Variants in GNG7 observed in about 807,000 individuals in gnomAD.
GNG7 encodes G protein subunit gamma 7, also known as guanine nucleotide-binding protein G(I)/G(S)/G(O) subunit gamma-7.
A neutral mutation model predicts 4.0 loss-of-function variants in GNG7; 1 was observed. The observed-to-expected ratio is 0.25, with a 90% CI of 0.09 to 1.18. GNG7 has a LOEUF of 1.18. Among genes scored for constraint, GNG7 ranks in the 50% most tolerant of loss-of-function variants. The pLI is 0.50. For synonymous variants in GNG7, 34 were observed against 36.9 expected (o/e 0.92, Z 0.29); for missense variants, 86 against 91.9 (o/e 0.94, Z 0.26).
chr19:2,555,909 G>C (rs549969201), intron 2 of GNG7, among the ~76,000 whole-genome samples: 2 of 151,698 alleles, frequency 1.3e-5, no homozygotes, highest in African/African-American at 4.9e-5. Flanking sequence ...CGGATCGCGA[G>C]GGGGGGCCCA....
At chr19:2,563,241 T>C (rs1467758145) in intron 2 of GNG7, among the ~76,000 whole-genome samples, 8 of 151,584 alleles carry the variant, frequency 5.3e-5, no homozygotes, top group African/African-American at 1.7e-4. Flanking sequence ...AGCCACTGCG[T>C]CCGGCCCAGT....
intron 1 of GNG7, among the ~76,000 whole-genome samples, chr19:2,676,572 T>G (rs1053742597): frequency 2.0e-5 from 3 of 152,072 alleles, no homozygotes; most frequent in Non-Finnish European, 4.4e-5. Flanking sequence ...CCATCATGCT[T>G]GCCTAATTTT....
intron 1 of GNG7, among the ~76,000 whole-genome samples, chr19:2,655,532 GTCTC>G (rs1405424297): frequency 1.3e-5 from 2 of 151,308 alleles, no homozygotes; most frequent in African/African-American, 2.4e-5. Context: ...GTGAAACTCT[GTCTC>G]TACTAAAAAT....
In GNG7 at chr19:2,626,330, A is replaced by G. The variant is rs956739746; in HGVS notation, c.-78+19894T>C. Among the ~76,000 whole-genome samples the G allele has an allele frequency of 6.6e-6, 1 of 152,074 alleles. No individual in the cohort carries two copies. The highest frequency in any genetic ancestry group is 6.5e-5 in the Admixed American group (1 of 15,270). On this transcript the variant is annotated intron_variant, in intron 2 of 4. Transcript: ENST00000382159. The surrounding 1 kb of genome is among the most constrained non-coding windows in gnomAD (Gnocchi z 5.0). ...TCTGCCACCCACAGGAGGCTGGGGC[A>G]TCTCTCACCCCCTCTGTGCCTCAGT...
chr19:2,581,728 A>T (rs1980510849), intron 2 of GNG7, among the ~76,000 whole-genome samples: 1 of 152,248 alleles, frequency 6.6e-6, no homozygotes, highest in Non-Finnish European at 1.5e-5. Context: ...CAGGTGTTGA[A>T]ACAACGCATG....
chr19:2,590,689 T>TCATC (rs1174700367), intron 2 of GNG7, among the ~76,000 whole-genome samples: 2 of 89,852 alleles, frequency 2.2e-5, no homozygotes, highest in African/African-American at 8.6e-5. Context: ...ACCCATCCAT[T>TCATC]CATCCATCCA....
intron 1 of GNG7, among the ~76,000 whole-genome samples, chr19:2,661,394 T>C (rs1983174691): frequency 6.6e-6 from 1 of 150,952 alleles, no homozygotes; most frequent in African/African-American, 2.4e-5. Context: ...CAGTGGCTCA[T>C]GCCTATAATC....
chr19:2,682,423 G>A (rs113543719), intron 1 of GNG7, among the ~76,000 whole-genome samples: 6 of 151,712 alleles, frequency 4.0e-5, no homozygotes, highest in African/African-American at 1.2e-4. Flanking sequence ...CCAGCATTTC[G>A]GGAGGCCAAG....
chr19:2,574,616 T>TTATCCA (rs1421901323), intron 2 of GNG7, among the ~76,000 whole-genome samples: 1 of 152,206 alleles, frequency 6.6e-6, no homozygotes, highest in Non-Finnish European at 1.5e-5. Context: ...CATGCTGTGT[T>TTATCCA]TATCCACTGA....
At chr19:2,646,353 A>G (rs1982665967) in intron 1 of GNG7, 73 bp from the exon 2 acceptor site, 1 of 152,110 alleles carries the variant, frequency 6.6e-6, no homozygotes, top group Non-Finnish European at 1.5e-5. Flanking sequence ...TGGGGTCAGC[A>G]TTGGAGAACG....
intron 2 of GNG7, among the ~76,000 whole-genome samples, chr19:2,585,825 C>T (rs375237988): frequency 3.3e-5 from 5 of 152,080 alleles, no homozygotes; most frequent in African/African-American, 7.2e-5. Context: ...CTCAGCCTCC[C>T]GAGTAGCTGG....
intron 2 of GNG7, among the ~76,000 whole-genome samples, chr19:2,570,066 A>T (rs1245194914): frequency 6.6e-6 from 1 of 151,712 alleles, no homozygotes; most frequent in African/African-American, 2.4e-5. Context: ...GGGGTCCCTC[A>T]TGGCTTGGTG....
chr19:2,682,870 G>A (rs1453631851), intron 1 of GNG7, among the ~76,000 whole-genome samples: 1 of 151,918 alleles, frequency 6.6e-6, no homozygotes, highest in African/African-American at 2.4e-5. Context: ...AGCTGCAACT[G>A]TAGGAGTGAG....
intron 3 of GNG7, among the ~76,000 whole-genome samples, chr19:2,535,738 G>T (rs1037107016): frequency 6.6e-6 from 1 of 152,074 alleles, no homozygotes. Context: ...CCTTGACTCG[G>T]AATTCCTAGA....
intron 2 of GNG7, among the ~76,000 whole-genome samples, chr19:2,645,842 G>T (rs2144860511): frequency 6.6e-6 from 1 of 152,302 alleles, no homozygotes; most frequent in South Asian, 2.1e-4. Context: ...GAGAGCTAAA[G>T]GGCCAGCGAC....
intron 1 of GNG7, among the ~76,000 whole-genome samples, chr19:2,677,793 G>C (rs903255505): frequency 6.6e-6 from 1 of 151,350 alleles, no homozygotes; most frequent in Non-Finnish European, 1.5e-5. Context: ...GGACATCTTT[G>C]GTTGTCACAA....
intron 2 of GNG7, among the ~76,000 whole-genome samples, chr19:2,575,897 G>A (rs1032384455): frequency 1.4e-5 from 2 of 146,684 alleles, no homozygotes; most frequent in Admixed American, 6.8e-5. Flanking sequence ...ACGCAGACAC[G>A]CAGGCACACG....
intron 2 of GNG7, among the ~76,000 whole-genome samples, chr19:2,577,577 T>G (rs1438806525): frequency 1.3e-5 from 2 of 152,064 alleles, no homozygotes; most frequent in Non-Finnish European, 2.9e-5. Flanking sequence ...GGCTCACGCC[T>G]GTAATCCTAG....
At chr19:2,524,329 C>A (rs1978329390) in intron 3 of GNG7, among the ~76,000 whole-genome samples, 1 of 152,120 alleles carries the variant, frequency 6.6e-6, no homozygotes, top group Non-Finnish European at 1.5e-5. Flanking sequence ...GAGGACTGCG[C>A]TGTGTGTGTG....
Sources: gnomAD v4.1 joint callset for allele counts (sites outside exome capture counted in the v4.1 genomes callset) on GRCh38, gnomAD v4.1.1 for gene constraint, Gnocchi (gnomAD v3.1) non-coding constraint, MANE v1.5 for transcripts, NCBI Gene and HGNC (gene_info 2026-07-23, HGNC 2026-07-21) for gene names.